Variants in CKAP5 observed in about 807,000 individuals in gnomAD.
CKAP5 encodes the protein cytoskeleton-associated protein 5.
CKAP5 carries 27 observed loss-of-function variants against 232.8 expected under a neutral mutation model. The observed-to-expected ratio is 0.12, with a 90% CI of 0.09 to 0.16. CKAP5 has a LOEUF of 0.16. Ranked by LOEUF, CKAP5 falls within the 10% of genes least tolerant of loss-of-function variation. The pLI is 1.00. For missense variants in CKAP5, 1,838 were observed against 2,424.7 expected (o/e 0.76, Z 5.08); for synonymous variants, 785 against 841.1 (o/e 0.93, Z 1.16).
At position 46,816,228 on chromosome 11, in the gene CKAP5, G is replaced by A; in HGVS notation, c.428C>T (p.Ala143Val). ...GGCTTTCCTCAGTGTCTCTATACAG[G>A]CCACTATGATCTTGGGATTCTTATT... is the stretch of plus-strand genomic sequence containing the variant. Reference protein sequence around the residue: ...LDNKNPKIIVACIETLRKALS... With the variant: ...LDNKNPKIIVVCIETLRKALS... The change falls in exon 4 of 44, where the codon GCC becomes GTC. Residue 143 changes from alanine (A) to valine (V), a missense_variant. Physicochemically the swap from Ala to Val is moderately conservative, Grantham distance 64 (BLOSUM62 0). Transcript: ENST00000529230. 6.2e-7 allele frequency: 1 copy of A among 1,614,000 alleles called. No homozygotes were observed. The highest frequency in any genetic ancestry group is 8.5e-7 in the Non-Finnish European group (1 of 1,179,972).
rs1432325639 is a variant in CKAP5 at position 46,762,210 on chromosome 11, G to C, written c.4028-17C>G. On this transcript the variant is annotated splice_polypyrimidine_tract_variant and intron_variant, in intron 31 of 43. Transcript: ENST00000529230. Reference sequence around the variant, plus strand: ...CCAGGCACTCTGATGGGGGAGAAAGGCTAGATTAATGAGACAACACATATT... The same window carrying C: ...CCAGGCACTCTGATGGGGGAGAAAGCCTAGATTAATGAGACAACACATATT... The C allele has an allele frequency of 1.2e-6, 2 of 1,609,712 alleles. No homozygotes were observed. Among genetic ancestry groups the C allele is most frequent in the African/African-American group, 2.7e-5 (2 of 74,854 alleles).
At position 46,778,597 on chromosome 11, in the gene CKAP5, C is replaced by A. The variant is rs1397213624; in HGVS notation, c.2436G>T (p.Met812Ile). 1.2e-6 allele frequency: 2 copies of A among 1,613,152 alleles called. No individual in the cohort carries two copies. Among genetic ancestry groups the A allele is most frequent in the Non-Finnish European group, 1.7e-6 (2 of 1,179,532 alleles). Residue 812 changes from methionine (M) to isoleucine (I), a missense_variant and splice_region_variant, in exon 21 of 44, where the codon ATG becomes ATT. Physicochemically the swap from Met to Ile is conservative, Grantham distance 10. Transcript: ENST00000529230. ...LSQIDAEFEK[M>I]QGQSPPAPTR... ...TTGGAGCAGGTGGACTTTGTCCCTG[C>A]ATCTATACACAAATGAATGAGTAAG...
chr11:46,770,534 C>T (rs1018558149), intron 25 of CKAP5, among the ~76,000 whole-genome samples: 27 of 152,132 alleles, frequency 1.8e-4, no homozygotes, highest in Non-Finnish European at 8.8e-5. Context: ...TGGGTTCATG[C>T]GATTCTCCTG....
intron 5 of CKAP5, 134 bp from the exon 6 acceptor site, chr11:46,810,008 G>T: frequency 2.3e-6 from 2 of 854,594 alleles, no homozygotes; most frequent in Non-Finnish European, 3.5e-6. Flanking sequence ...GTCTTACTCT[G>T]TCACCCAGGC....
In CKAP5 at chr11:46,744,487, G is replaced by A. The variant is rs780866723; in HGVS notation, c.5795C>T (p.Pro1932Leu). The change falls in exon 43 of 44, where the codon CCA becomes CTA. Residue 1932 changes from proline (P) to leucine (L), a missense_variant. Pro to Leu is a moderately conservative substitution (Grantham distance 98). This residue lies in a region of CKAP5 where 579 missense variants were observed against 843.2 expected (regional missense o/e 0.69). Transcript: ENST00000529230. Reference sequence around the variant, plus strand: ...CTTTAGCCTTTCCAAGTAGACAGATGGCCCCACTTCTTCCCCATTTGTGTT... The same window carrying A: ...CTTTAGCCTTTCCAAGTAGACAGATAGCCCCACTTCTTCCCCATTTGTGTT... ...IGNTNGEEVG[P>L]SVYLERLKIL... 1.9e-6 allele frequency: 3 copies of A among 1,614,108 alleles called. No individual in the cohort carries two copies. The highest frequency in any genetic ancestry group is 2.2e-5 in the South Asian group (2 of 91,086).
Position 46,778,545 on chromosome 11 carries a change from T to C in CKAP5, c.2488A>G (p.Ser830Gly), listed in dbSNP as rs761653051. 6.8e-6 allele frequency: 11 copies of C among 1,614,084 alleles called. No homozygotes were observed. Among genetic ancestry groups the C allele is most frequent in the South Asian group, 4.4e-5 (4 of 91,090 alleles). The change falls in exon 21 of 44, where the codon AGT becomes GGT. Residue 830 changes from serine (S) to glycine (G), a missense_variant. Ser to Gly is a moderately conservative substitution (Grantham distance 56, BLOSUM62 0). Coordinates refer to ENST00000529230, the MANE Select transcript of CKAP5 (RefSeq NM_001008938.4). Reference sequence around the variant, plus strand: ...CCATCTTCTCCTTCATCTGTACCACTTGTGCTATGCTTGGAAATTCCTCTG... The same window carrying C: ...CCATCTTCTCCTTCATCTGTACCACCTGTGCTATGCTTGGAAATTCCTCTG... The part of the protein sequence containing the change: ...PTRGISKHST[S>G]GTDEGEDGDE...
In CKAP5 at chr11:46,760,735, G is replaced by C. The variant is rs1266697459; in HGVS notation, c.4271C>G (p.Ala1424Gly). 6.2e-7 allele frequency: 1 copy of C among 1,614,172 alleles called. No individual in the cohort carries two copies. The highest frequency in any genetic ancestry group is 1.7e-5 in the Admixed American group (1 of 60,022). Reference sequence around the variant, plus strand: ...TATTGGTGCAGCAGAGGGTCTCTTTGCTGACCGCTTAATCCTCTCCTCGAG... The same window carrying C: ...TATTGGTGCAGCAGAGGGTCTCTTTCCTGACCGCTTAATCCTCTCCTCGAG... The part of the protein sequence containing the change: ...SMLEERIKRS[A>G]KRPSAAPIKQ... The change falls in exon 33 of 44, where the codon GCA becomes GGA. Residue 1424 changes from alanine (A) to glycine (G), a missense_variant. Around this residue, in one of 6 missense-constraint regions of CKAP5, gnomAD observed 579 missense variants for 843.2 expected, o/e 0.69. Coordinates refer to ENST00000529230, the MANE Select transcript of CKAP5 (RefSeq NM_001008938.4).
chr11:46,769,578 CCCAGCAA>C (rs2065231191), intron 26 of CKAP5, among the ~76,000 whole-genome samples: 1 of 151,950 alleles, frequency 6.6e-6, no homozygotes, highest in Non-Finnish European at 1.5e-5. Context: ...TGCCTGTAGT[CCCAGCAA>C]CTTGGGAGGA....
chr11:46,797,977 A>C lies in CKAP5; in HGVS notation c.1174-8T>G. 1 of 1,609,594 alleles carries C rather than the reference A, an allele frequency of 6.2e-7. No homozygotes were observed. Reference sequence around the variant, plus strand: ...GATGTTCTGTAGTGTGGTCTTTAGAAAGAAAATGTGGTTAATGAGCTTTTT... The same window carrying C: ...GATGTTCTGTAGTGTGGTCTTTAGACAGAAAATGTGGTTAATGAGCTTTTT... On this transcript the variant is annotated splice_region_variant and splice_polypyrimidine_tract_variant and intron_variant, in intron 10 of 43. Coordinates refer to ENST00000529230, the MANE Select transcript of CKAP5 (RefSeq NM_001008938.4).
intron 12 of CKAP5, 80 bp downstream of exon 12, chr11:46,796,732 T>C: frequency 1.3e-6 from 2 of 1,533,274 alleles, no homozygotes; most frequent in Admixed American, 1.8e-5. Flanking sequence ...ACCAGTACTC[T>C]ATAACTGTCA....
Position 46,811,040 on chromosome 11 carries a change from C to T in CKAP5, c.597G>A (p.Leu199=). The T allele has an allele frequency of 6.2e-7, 1 of 1,613,878 alleles. No individual in the cohort carries two copies. The highest frequency in any genetic ancestry group is 8.5e-7 in the Non-Finnish European group (1 of 1,179,904). ...AGTTTATATTTTGTAATGGGGGTCT[C>T]AGAGCATCCCGAATCCATCTGTAAA... ...VEIYRWIRDA[L]RPPLQNINSV... Residue 199 remains leucine (L), a synonymous_variant, in exon 5 of 44, where the codon CTG becomes CTA. Coordinates refer to ENST00000529230, the MANE Select transcript of CKAP5 (RefSeq NM_001008938.4).
At chr11:46,783,428 A>G in intron 17 of CKAP5, 60 bp from the exon 18 acceptor site, 1 of 1,080,666 alleles carries the variant, frequency 9.3e-7, no homozygotes. Context: ...GAAATACAGC[A>G]TGACATTAAG....
intron 42 of CKAP5, among the ~76,000 whole-genome samples, chr11:46,745,526 C>A (rs2065016051): frequency 6.6e-6 from 1 of 152,180 alleles, no homozygotes; most frequent in South Asian, 2.1e-4. Context: ...CCAAAAAGGG[C>A]TTTGGAAACA....
At chr11:46,760,314 A>G (rs1049702490) in intron 33 of CKAP5, 3 of 505,486 alleles carry the variant, frequency 5.9e-6, no homozygotes, top group African/African-American at 5.8e-5. Context: ...GAAAGATATA[A>G]GAGCCCTGCT....
chr11:46,816,341 G>T lies in CKAP5; in HGVS notation c.315C>A (p.Ala105=). 1 of 1,613,930 alleles carries T rather than the reference G, an allele frequency of 6.2e-7. No individual in the cohort carries two copies. The highest frequency in any genetic ancestry group is 8.5e-7 in the Non-Finnish European group (1 of 1,179,994). The change falls in exon 4 of 44, where the codon GCC becomes GCA. Residue 105 remains alanine, a synonymous_variant. Transcript: ENST00000529230. ...SKVFNQPKAK[A]KELGIEICLM... ...GACAGATCTCTATGCCCAGCTCCTT[G>T]GCTTTAGCTTTAGGTTGATTGAACA...
intron 1 of CKAP5, among the ~76,000 whole-genome samples, chr11:46,838,221 AG>A (rs1939959018): frequency 6.6e-6 from 1 of 152,256 alleles, no homozygotes; most frequent in African/African-American, 2.4e-5. Context: ...CTCTCAAAAC[AG>A]ATTAAAATTT....
rs374868171 is a variant in CKAP5, at chr11:46,775,077, CA to C, written c.2991+1177del. On this transcript the variant is annotated intron_variant, in intron 24 of 43. Coordinates refer to ENST00000529230, the MANE Select transcript of CKAP5 (RefSeq NM_001008938.4). ...CCTACAGAATGGGAGAAAATTTTTG[CA>C]ATCTATCCATCTGACAAAGGGCTAA... is the stretch of plus-strand genomic sequence containing the variant. 3.3e-4 allele frequency among the ~76,000 whole-genome samples: 50 copies of C among 152,126 alleles called. No individual in the cohort carries two copies. In the South Asian group the frequency reaches 9.8e-3, roughly 30 times the overall value.
intron 16 of CKAP5, among the ~76,000 whole-genome samples, chr11:46,785,536 G>A (rs1350305522): frequency 2.0e-5 from 3 of 152,150 alleles, no homozygotes; most frequent in African/African-American, 7.2e-5. Flanking sequence ...CACCATGTTG[G>A]CCGGGCTGGT....
At chr11:46,823,227 C>G (rs1939583376) in intron 1 of CKAP5, among the ~76,000 whole-genome samples, 1 of 152,062 alleles carries the variant, frequency 6.6e-6, no homozygotes, top group Non-Finnish European at 1.5e-5. Flanking sequence ...TGATCGTGAG[C>G]CACCGCACCC....
Sources: gnomAD v4.1 joint callset for allele counts (sites outside exome capture counted in the v4.1 genomes callset) on GRCh38, gnomAD v4.1.1 for gene constraint, gnomAD v4.1.1 regional missense constraint, MANE v1.5 for transcripts, NCBI Gene and HGNC (gene_info 2026-07-23, HGNC 2026-07-21) for gene names.